The following TAL1 variants were observed in gnomAD, a reference collection of about 807,000 sequenced individuals.
TAL1 encodes T-cell acute lymphocytic leukemia protein 1.
TAL1 carries 8 observed loss-of-function variants against 17.9 expected under a neutral mutation model. The observed-to-expected ratio is 0.45, with a 90% CI of 0.26 to 0.81. The LOEUF (loss-of-function observed/expected upper bound fraction) is 0.81. Among genes scored for constraint, TAL1 ranks in the 30% least tolerant of loss-of-function variants. The pLI is 0.17. For missense variants in TAL1, 466 were observed against 486.9 expected, an observed-to-expected ratio of 0.96 and a Z score of 0.40; for synonymous variants, 223 against 218.6, an observed-to-expected ratio of 1.02 and a Z score of -0.18.
At position 47,219,894 on chromosome 1, in the gene TAL1, G is replaced by GCCCCCCCCCCCCCCCC; in HGVS notation, c.821_822insGGGGGGGGGGGGGGGG (p.Ala275GlyfsTer10). Reference sequence around the variant, plus strand: ...CTTGCAGGAGGTCATCTGGGGGCGCGCCGCCCCCTCCCCCACCTCCACCCC... The same window carrying GCCCCCCCCCCCCCCCC: ...CTTGCAGGAGGTCATCTGGGGGCGCGCCCCCCCCCCCCCCCCCCGCCCCCTCCCCCACCTCCACCCC... On this transcript the variant is annotated frameshift_variant, in exon 4 of 4. Coordinates refer to ENST00000294339, the Ensembl canonical transcript of TAL1. LOFTEE classifies it high-confidence loss of function. The GCCCCCCCCCCCCCCCC allele has an allele frequency of 1.3e-6, 2 of 1,556,028 alleles. No homozygotes were observed. The highest frequency in any genetic ancestry group is 1.7e-6 in the Non-Finnish European group (2 of 1,149,574).
At chr1:47,219,971 C>G (rs1184766195) in exon 4 of TAL1, 7 of 1,585,300 alleles carry the variant, frequency 4.4e-6, no homozygotes, top group Non-Finnish European at 6.0e-6. Context: ...TGGGTGCCCT[C>G]CTCCTCCTGG....
At chr1:47,223,434 A>C (rs1643864469) in intron 3 of TAL1, 1 of 152,588 alleles carries the variant, frequency 6.6e-6, no homozygotes, top group South Asian at 2.1e-4. Context: ...GGGGCAAGGT[A>C]GAATCCATGA....
At chr1:47,222,426 T>G (rs6685838) in intron 3 of TAL1, among the ~76,000 whole-genome samples, 8,999 of 152,170 alleles carry the variant, frequency 0.059, 363 homozygotes, top group African/African-American at 0.1. Flanking sequence ...CATGAGCTTG[T>G]GGTAAGGAAT....
chr1:47,217,075 A>G, exon 4 of TAL1: 1 of 233,622 alleles, frequency 4.3e-6, no homozygotes, highest in Non-Finnish European at 8.4e-6. Flanking sequence ...GCCTTGGAAC[A>G]AGATAGAAAT....
At chr1:47,222,072 A>T (rs1456202421) in intron 3 of TAL1, among the ~76,000 whole-genome samples, 1 of 152,178 alleles carries the variant, frequency 6.6e-6, no homozygotes, top group Non-Finnish European at 1.5e-5. Flanking sequence ...TGAGGAAATT[A>T]CTTGCTGCTT....
intron 1 of TAL1, chr1:47,228,724 GAACA>G (rs1442706565): frequency 6.1e-6 from 1 of 164,992 alleles, no homozygotes; most frequent in Non-Finnish European, 1.3e-5. Context: ...ACCCACCAGG[GAACA>G]GCACCACCAT....
exon 3 of TAL1, chr1:47,224,019 T>C: frequency 1.9e-6 from 3 of 1,613,708 alleles, no homozygotes; most frequent in Non-Finnish European, 2.5e-6. Context: ...GTAATCTCCA[T>C]CTCATAGGGG....
At chr1:47,231,728 G>C (rs58026456), upstream of TAL1, 962 of 233,688 alleles carry the variant, frequency 4.1e-3, 16 homozygotes, top group African/African-American at 0.02. Flanking sequence ...GAAGGGCCTC[G>C]AAGGGTCCAC....
At chr1:47,228,206 C>A (rs1643942095) in intron 1 of TAL1, 1 of 169,226 alleles carries the variant, frequency 5.9e-6, no homozygotes, top group Admixed American at 6.4e-5. Context: ...TCTCCCGGCT[C>A]CTCCCCACAT....
At chr1:47,225,623 G>T in exon 2 of TAL1, 1 of 1,382,134 alleles carries the variant, frequency 7.2e-7, no homozygotes, top group Non-Finnish European at 9.3e-7. Context: ...CTCGGTGGTG[G>T]GCACCCGATG....
chr1:47,218,752 A>G (rs975322988), exon 4 of TAL1: 6 of 233,498 alleles, frequency 2.6e-5, no homozygotes, highest in African/African-American at 1.3e-4. Flanking sequence ...CCAGACCATC[A>G]GCAAACAGAC....
rs1645518085 is a variant in TAL1, at chr1:47,217,414, T to C, written c.*2306A>G. 7.6e-6 allele frequency: 3 copies of C among 394,714 alleles called. No homozygotes were observed. The East Asian group carries it at 1.1e-4, about 14-fold the overall frequency. 24.5% of individuals were successfully genotyped at this position (394,714 alleles called of 1,614,324 possible). The stretch of plus-strand genomic sequence containing the variant: ...ACACACACACACACACACACACAAA[T>C]AGATAATCTGGAGAAATGAGGACAA... On this transcript the variant is annotated 3_prime_UTR_variant, in exon 4 of 4. Transcript: ENST00000294339.
rs766220223 is a variant in TAL1 at position 47,219,802 on chromosome 1, G to A, written c.914C>T (p.Thr305Met). 7.5e-6 allele frequency: 12 copies of A among 1,610,682 alleles called. No homozygotes were observed. The African/African-American group carries it at 1.1e-4, about 14-fold the overall frequency. The change falls in exon 4 of 4, where the codon ACG becomes ATG. Residue 305 changes from threonine to methionine, a missense_variant. This residue lies in a region of TAL1 where 134 missense variants were observed against 122.0 expected (regional missense o/e 1.10). Transcript: ENST00000294339. ...CGTGTGCTTGGGCGCGGGCTCCTCC[G>A]TGTAGCTGTCCGGGCTGGCTGCCCC...
upstream of TAL1, chr1:47,230,522 C>T (rs1643992407): frequency 6.6e-6 from 1 of 152,024 alleles, no homozygotes; most frequent in African/African-American, 2.4e-5. Context: ...CCGGCGTGTT[C>T]GCGGGGGGTT....
exon 3 of TAL1, chr1:47,224,049 G>C: frequency 6.2e-7 from 1 of 1,613,864 alleles, no homozygotes; most frequent in East Asian, 2.2e-5. Flanking sequence ...CTCTTCACTC[G>C]ATTGTTGGTG....
At chr1:47,219,412 G>A (rs1645564094) in exon 4 of TAL1, 1 of 612,050 alleles carries the variant, frequency 1.6e-6, no homozygotes, top group Non-Finnish European at 3.1e-6. Context: ...CAAACTCCAG[G>A]CCAAAAGCAG....
At chr1:47,219,312 C>A (rs1044775170) in exon 4 of TAL1, 1 of 501,900 alleles carries the variant, frequency 2.0e-6, no homozygotes, top group Non-Finnish European at 3.8e-6. Context: ...CCACCCCAGC[C>A]AGCTTGGGAG....
rs761203363 is a variant in TAL1 at position 47,219,633 on chromosome 1, G to A, written c.*87C>T. The stretch of plus-strand genomic sequence containing the variant: ...AAGTCCACCGCCTTGCTTCAGAGCC[G>A]CCCAATTCTCACCCCACCTGCCCTG... On this transcript the variant is annotated 3_prime_UTR_variant, in exon 4 of 4. Transcript: ENST00000294339. 27 of 1,570,348 alleles carry A rather than the reference G, an allele frequency of 1.7e-5. No homozygotes were observed. The South Asian group carries it at 1.9e-4, about 11-fold the overall frequency.
chr1:47,221,921 C>T (rs957779900), intron 3 of TAL1, among the ~76,000 whole-genome samples: 1 of 152,224 alleles, frequency 6.6e-6, no homozygotes, highest in African/African-American at 2.4e-5. Flanking sequence ...GGAAGGATCA[C>T]CATCCCCTGC....
Sources: allele counts gnomAD v4.1 joint callset (sites outside exome capture counted in the v4.1 genomes callset), GRCh38; gene constraint gnomAD v4.1.1; regional missense constraint gnomAD v4.1.1; transcripts MANE v1.5; gene names NCBI Gene and HGNC (gene_info 2026-07-23, HGNC 2026-07-21).